PPP1R9A: variants seen among roughly 807,000 people sequenced by gnomAD.
PPP1R9A encodes protein phosphatase 1 regulatory subunit 9A, also known as neurabin-1.
Under a neutral mutation model 141.9 loss-of-function variants are expected in PPP1R9A, and 59 were observed. That is an observed-to-expected ratio of 0.42 (90% CI 0.34 to 0.52). PPP1R9A has a LOEUF of 0.52. PPP1R9A is among the 20% of genes least tolerant of loss of function. The probability of loss-of-function intolerance (pLI) is 0.10; values close to 1 mark genes in which losing one functional copy is unlikely to be tolerated. For synonymous variants in PPP1R9A, 500 were observed against 569.7 expected (o/e 0.88, Z 1.74); for missense variants, 1,444 against 1,611.9 (o/e 0.90, Z 1.78).
chr7:95,094,452 C>T (rs1011973709), intron 2 of PPP1R9A, among the ~76,000 whole-genome samples: 2 of 152,162 alleles, frequency 1.3e-5, no homozygotes, highest in East Asian at 1.9e-4. Flanking sequence ...TTTCCTGACC[C>T]ACAGTGATGT....
At chr7:95,267,726 C>G (rs904785932) in intron 12 of PPP1R9A, among the ~76,000 whole-genome samples, 1 of 152,018 alleles carries the variant, frequency 6.6e-6, no homozygotes, top group Non-Finnish European at 1.5e-5. Flanking sequence ...AGTATTTACC[C>G]TTCGAAAATC....
At chr7:94,973,721 CTT>C (rs200492667) in intron 2 of PPP1R9A, among the ~76,000 whole-genome samples, 15 of 137,114 alleles carry the variant, frequency 1.1e-4, no homozygotes, top group Non-Finnish European at 1.3e-4. Flanking sequence ...TTCTTTCTTT[CTT>C]TTTTTTTTTT....
intron 3 of PPP1R9A, among the ~76,000 whole-genome samples, chr7:95,119,300 A>G (rs1822095211): frequency 6.6e-6 from 1 of 152,216 alleles, no homozygotes; most frequent in African/African-American, 2.4e-5. Flanking sequence ...TGAATTAAAA[A>G]AAAAAGTCAC....
chr7:95,125,864 T>C (rs1460724975), intron 4 of PPP1R9A, among the ~76,000 whole-genome samples: 2 of 152,278 alleles, frequency 1.3e-5, no homozygotes, highest in African/African-American at 4.8e-5. Context: ...TACCAACATA[T>C]ACAATAGATT....
At chr7:94,946,968 A>T (rs911739101) in intron 2 of PPP1R9A, among the ~76,000 whole-genome samples, 2 of 152,112 alleles carry the variant, frequency 1.3e-5, no homozygotes, top group Admixed American at 1.3e-4. Flanking sequence ...TCACTTTCTT[A>T]TGAATTTTGC....
chr7:94,957,134 A>T (rs1797154832), intron 2 of PPP1R9A, among the ~76,000 whole-genome samples: 1 of 152,138 alleles, frequency 6.6e-6, no homozygotes, highest in African/African-American at 2.4e-5. Flanking sequence ...TTAAAGCTAC[A>T]CTACAGTTTT....
intron 2 of PPP1R9A, among the ~76,000 whole-genome samples, chr7:94,968,496 C>CA (rs1300230460): frequency 6.6e-6 from 1 of 152,120 alleles, no homozygotes; most frequent in Non-Finnish European, 1.5e-5. Context: ...TCTGTTTTAT[C>CA]AGAGACTAGG....
At chr7:94,976,238 CAT>C (rs1164155776) in intron 2 of PPP1R9A, among the ~76,000 whole-genome samples, 4 of 151,820 alleles carry the variant, frequency 2.6e-5, no homozygotes, top group African/African-American at 4.8e-5. Flanking sequence ...TTATTAATAA[CAT>C]AAAATAATAC....
chr7:95,120,307 T>C (rs1489115682), intron 3 of PPP1R9A, among the ~76,000 whole-genome samples: 1 of 152,168 alleles, frequency 6.6e-6, no homozygotes, highest in East Asian at 1.9e-4. Flanking sequence ...GAAAAGACCA[T>C]ATAAATGAAG....
intron 5 of PPP1R9A, among the ~76,000 whole-genome samples, chr7:95,188,007 A>C (rs533667868): frequency 6.6e-6 from 1 of 152,182 alleles, no homozygotes; most frequent in African/African-American, 2.4e-5. Flanking sequence ...TTCTCTAAAT[A>C]TCTGTTAAGT....
At chr7:94,937,853 A>G (rs1456130058) in intron 2 of PPP1R9A, among the ~76,000 whole-genome samples, 2 of 152,188 alleles carry the variant, frequency 1.3e-5, no homozygotes, top group African/African-American at 2.4e-5. Flanking sequence ...ATAGTATTCT[A>G]TATTAAGATA....
chr7:94,959,486 T>C (rs937748899), intron 2 of PPP1R9A, among the ~76,000 whole-genome samples: 1 of 151,700 alleles, frequency 6.6e-6, no homozygotes, highest in African/African-American at 2.4e-5. Flanking sequence ...TGATACTTAG[T>C]CATTTATAAA....
intron 7 of PPP1R9A, among the ~76,000 whole-genome samples, chr7:95,209,869 T>C (rs894249581): frequency 6.6e-6 from 1 of 152,216 alleles, no homozygotes; most frequent in Non-Finnish European, 1.5e-5. Context: ...CACTCATAGC[T>C]GCCCTCTTCT....
At chr7:94,956,496 G>C (rs1459011601) in intron 2 of PPP1R9A, among the ~76,000 whole-genome samples, 1 of 151,800 alleles carries the variant, frequency 6.6e-6, no homozygotes, top group Non-Finnish European at 1.5e-5. Flanking sequence ...TCATTTTCTG[G>C]TTGTTACCTG....
intron 4 of PPP1R9A, among the ~76,000 whole-genome samples, chr7:95,141,193 C>A (rs1402920550): frequency 6.6e-6 from 1 of 152,016 alleles, no homozygotes; most frequent in Admixed American, 6.6e-5. Flanking sequence ...AAATGATAAT[C>A]TAGGATGAAA....
chr7:95,177,732 C>T (rs1121819), intron 5 of PPP1R9A, among the ~76,000 whole-genome samples: 91,335 of 151,814 alleles, frequency 0.6, 27,802 homozygotes, highest in African/African-American at 0.69. Context: ...GCTATTCTTA[C>T]AAAAGACAAA....
At chr7:94,987,147 G>T (rs1474463326) in intron 2 of PPP1R9A, among the ~76,000 whole-genome samples, 1 of 152,206 alleles carries the variant, frequency 6.6e-6, no homozygotes, top group Non-Finnish European at 1.5e-5. Context: ...GGAGAACATT[G>T]TGTGGTTGAC....
intron 2 of PPP1R9A, among the ~76,000 whole-genome samples, chr7:94,966,644 C>G (rs1798251268): frequency 6.6e-6 from 1 of 152,160 alleles, no homozygotes. Context: ...TTGAACCAGC[C>G]TTGCATCCCA....
At chr7:95,145,884 T>G (rs1827519244) in intron 4 of PPP1R9A, among the ~76,000 whole-genome samples, 1 of 152,228 alleles carries the variant, frequency 6.6e-6, no homozygotes, top group African/African-American at 2.4e-5. Context: ...CCACATTTTC[T>G]TTATCCAGTC....
Sources: allele counts gnomAD v4.1 joint callset (sites outside exome capture counted in the v4.1 genomes callset), GRCh38; gene constraint gnomAD v4.1.1; transcripts MANE v1.5; gene names NCBI Gene and HGNC (gene_info 2026-07-23, HGNC 2026-07-21).